RPP30: variants seen among roughly 807,000 people sequenced by gnomAD.
The protein encoded by RPP30 is ribonuclease P protein subunit p30.
Under a neutral mutation model 38.6 loss-of-function variants are expected in RPP30, and 36 were observed. That is an observed-to-expected ratio of 0.93 (90% CI 0.71 to 1.23). The LOEUF (loss-of-function observed/expected upper bound fraction) is 1.23. Among genes scored for constraint, RPP30 ranks in the 50% most tolerant of loss-of-function variants. RPP30 has a pLI of 0.00. For synonymous variants in RPP30, 126 were observed against 112.7 expected, an observed-to-expected ratio of 1.12 and a Z score of -0.75; for missense variants, 321 against 321.7, an observed-to-expected ratio of 1.00 and a Z score of 0.02.
rs569746888 is a variant in RPP30, at chr10:90,900,724, T to C, written c.*45T>C. ...GTCAGCACTCCCTTCTTCCCTTTTA[T>C]AGTTCATCAGCCACAACAAAAATAA... On this transcript the variant is annotated 3_prime_UTR_variant, in exon 11 of 11. Transcript: ENST00000371703. 2 of 1,583,538 alleles carry C rather than the reference T, an allele frequency of 1.3e-6. No individual in the cohort carries two copies. The highest frequency in any genetic ancestry group is 8.6e-7 in the Non-Finnish European group (1 of 1,167,908).
Position 90,872,151 on chromosome 10 carries a change from G to C in RPP30, c.82+83G>C, listed in dbSNP as rs111801196. 2.6e-3 allele frequency: 3,092 copies of C among 1,179,888 alleles called. 64 individuals carry two copies. The African/African-American group carries it at 0.039, about 15-fold the overall frequency. 73.1% of individuals were successfully genotyped at this position (1,179,888 alleles called of 1,614,324 possible). Reference sequence around the variant, plus strand: ...CACTCCGGAGTAACTATTTCCTGATGGGTCTCGGTCAGGTCTCCCAGAGTC... The same window carrying C: ...CACTCCGGAGTAACTATTTCCTGATCGGTCTCGGTCAGGTCTCCCAGAGTC... On this transcript the variant is annotated intron_variant, in intron 1 of 10. Coordinates refer to ENST00000371703, the MANE Select transcript of RPP30 (RefSeq NM_006413.5).
chr10:90,892,498 TC>T (rs1386987077), intron 6 of RPP30, among the ~76,000 whole-genome samples: 1 of 151,852 alleles, frequency 6.6e-6, no homozygotes, highest in African/African-American at 2.4e-5. Flanking sequence ...TTTTCTCCCC[TC>T]CCCCCGCAAA....
chr10:90,872,000 C>T lies in RPP30; in HGVS notation c.14C>T (p.Ala5Val). 6.2e-7 allele frequency: 1 copy of T among 1,613,954 alleles called. No individual in the cohort carries two copies. The highest frequency in any genetic ancestry group is 2.2e-5 in the East Asian group (1 of 44,872). Residue 5 changes from alanine (A) to valine (V), a missense_variant, in exon 1 of 11, where the codon GCA (alanine) becomes GTA (valine). Coordinates refer to ENST00000371703, the MANE Select transcript of RPP30 (RefSeq NM_006413.5). ...TGGGACTTCAGCATGGCGGTGTTTG[C>T]AGATTTGGACCTGCGAGCGGGTTCT... MAVF[A>V]DLDLRAGSDL...
downstream of RPP30, among the ~76,000 whole-genome samples, chr10:90,904,620 C>A (rs1847234719): frequency 6.6e-6 from 1 of 152,142 alleles, no homozygotes; most frequent in African/African-American, 2.4e-5. Context: ...CAAGACCAGC[C>A]TGGCCAACAT....
intron 6 of RPP30, 73 bp downstream of exon 6, chr10:90,885,974 A>G (rs1255026696): frequency 1.4e-5 from 14 of 985,066 alleles, no homozygotes; most frequent in Admixed American, 7.5e-5. Context: ...AGCAGAAGAA[A>G]TCAGTGTTCT....
At chr10:90,875,754 G>A (rs904287011) in intron 3 of RPP30, 140 bp downstream of exon 3, 5 of 732,350 alleles carry the variant, frequency 6.8e-6, no homozygotes, top group Admixed American at 2.4e-5. Context: ...CAGCTCTTCA[G>A]GAAACATTCT....
chr10:90,902,542 T>G (rs188058001), downstream of RPP30, among the ~76,000 whole-genome samples: 77 of 152,306 alleles, frequency 5.1e-4, no homozygotes, highest in African/African-American at 1.8e-3. Flanking sequence ...TTCTTTTTAA[T>G]GCAGTATCCT....
downstream of RPP30, chr10:90,903,095 A>G: frequency 1.4e-6 from 1 of 718,252 alleles, no homozygotes; most frequent in Non-Finnish European, 2.5e-6. Flanking sequence ...ACTGCTGTCA[A>G]ATTAGATATG....
chr10:90,884,503 C>T (rs1846974271), intron 5 of RPP30, among the ~76,000 whole-genome samples: 1 of 152,164 alleles, frequency 6.6e-6, no homozygotes, highest in South Asian at 2.1e-4. Flanking sequence ...TTTCTTCATC[C>T]ACTCTTATTA....
At chr10:90,882,506 T>G (rs1353113825) in intron 5 of RPP30, among the ~76,000 whole-genome samples, 2 of 151,288 alleles carry the variant, frequency 1.3e-5, no homozygotes. Context: ...CACTAAAAAT[T>G]CAAAAAATTA....
chr10:90,885,495 A>G (rs1846987460), intron 5 of RPP30, among the ~76,000 whole-genome samples: 1 of 152,186 alleles, frequency 6.6e-6, no homozygotes, highest in Non-Finnish European at 1.5e-5. Context: ...GTCTGAAGTA[A>G]CCTTCCAGAA....
chr10:90,888,505 GTCC>G (rs1471295755), intron 6 of RPP30, among the ~76,000 whole-genome samples: 5 of 152,136 alleles, frequency 3.3e-5, no homozygotes, highest in African/African-American at 1.2e-4. Context: ...CGTATAATGA[GTCC>G]TCCTTACAGT....
chr10:90,899,938 T>A (rs970349000), intron 10 of RPP30, among the ~76,000 whole-genome samples: 4 of 152,080 alleles, frequency 2.6e-5, no homozygotes, highest in African/African-American at 9.6e-5. Flanking sequence ...AAATTTAAGT[T>A]GAACTCTGCT....
rs573200434 is a variant in RPP30, at chr10:90,872,911, A to G, written c.82+843A>G. On this transcript the variant is annotated intron_variant, in intron 1 of 10. Transcript: ENST00000371703. Reference sequence around the variant, plus strand: ...ACTGTCCCTTTCCACTGCTGCCACTAAATGAACGTTATCTCTGTGGTACTT... The same window carrying G: ...ACTGTCCCTTTCCACTGCTGCCACTGAATGAACGTTATCTCTGTGGTACTT... Among the ~76,000 whole-genome samples the G allele has an allele frequency of 2.0e-5, 3 of 152,346 alleles. No homozygotes were observed. In the South Asian group the frequency reaches 6.2e-4, roughly 32 times the overall value.
chr10:90,904,535 G>A (rs968236372), downstream of RPP30, among the ~76,000 whole-genome samples: 7 of 152,142 alleles, frequency 4.6e-5, no homozygotes, highest in African/African-American at 1.4e-4. Context: ...AACTACAGCC[G>A]GGTGCCATGG....
intron 6 of RPP30, among the ~76,000 whole-genome samples, chr10:90,887,361 A>G (rs1847015862): frequency 6.6e-6 from 1 of 152,134 alleles, no homozygotes; most frequent in South Asian, 2.1e-4. Context: ...TTCAAGGGAA[A>G]AACATAAAAG....
chr10:90,877,540 G>C (rs575583633), intron 4 of RPP30, among the ~76,000 whole-genome samples: 6 of 151,754 alleles, frequency 4.0e-5, no homozygotes, highest in Non-Finnish European at 8.8e-5. Flanking sequence ...GAAGTAGAAG[G>C]ACAGCAAGCA....
At chr10:90,882,524 A>G (rs1158220419) in intron 5 of RPP30, among the ~76,000 whole-genome samples, 1 of 152,132 alleles carries the variant, frequency 6.6e-6, no homozygotes, top group Non-Finnish European at 1.5e-5. Flanking sequence ...TTAGCCAGGC[A>G]TGGTGGCGGG....
chr10:90,903,125 G>A, downstream of RPP30: 1 of 821,304 alleles, frequency 1.2e-6, no homozygotes, highest in Admixed American at 1.9e-5. Flanking sequence ...ACAAATTTGG[G>A]GGTGATCAGT....
Sources: allele counts gnomAD v4.1 joint callset (sites outside exome capture counted in the v4.1 genomes callset), GRCh38; gene constraint gnomAD v4.1.1; transcripts MANE v1.5; gene names NCBI Gene and HGNC (gene_info 2026-07-23, HGNC 2026-07-21).